Variants in PTPRF observed in about 807,000 individuals in gnomAD.
The protein encoded by PTPRF is protein tyrosine phosphatase receptor type F, also known as receptor-type tyrosine-protein phosphatase F.
A neutral mutation model predicts 201.8 loss-of-function variants in PTPRF; 59 were observed. The observed-to-expected ratio is 0.29, with a 90% CI of 0.24 to 0.36. The LOEUF is 0.36. PTPRF is among the 10% of genes least tolerant of loss of function. The pLI, the probability that PTPRF is intolerant of heterozygous loss-of-function variation, is 1.00. For synonymous variants in PTPRF, 1,088 were observed against 1,089.7 expected, an observed-to-expected ratio of 1.00 and a Z score of 0.03; for missense variants, 2,132 against 2,690.5, an observed-to-expected ratio of 0.79 and a Z score of 4.59.
chr1:43,566,089 G>A (rs113650280), intron 5 of PTPRF, among the ~76,000 whole-genome samples: 2 of 152,194 alleles, frequency 1.3e-5, no homozygotes, highest in East Asian at 1.9e-4. Flanking sequence ...ACGCCGCGGC[G>A]CGTGTGCGGG....
chr1:43,541,286 A>G (rs1206256782), intron 2 of PTPRF, among the ~76,000 whole-genome samples: 2 of 152,234 alleles, frequency 1.3e-5, no homozygotes, highest in African/African-American at 4.8e-5. Context: ...GTGTTTGCGT[A>G]TTTATGATGA....
chr1:43,591,153 C>T lies in PTPRF; in HGVS notation c.1131C>T (p.Gly377=), dbSNP rs371794229. The change falls in exon 9 of 34, where the codon GGC becomes GGT. Residue 377 remains glycine (G), a synonymous_variant. Transcript: ENST00000359947. The part of the protein sequence containing the change: ...DGVATTRYSI[G]GLSPFSEYAF... ...TGGCCACCACCCGCTACAGCATTGG[C>T]GGCCTCAGCCCTTTCTCGGAATATG... is the stretch of plus-strand genomic sequence containing the variant. The T allele has an allele frequency of 2.8e-5, 45 of 1,613,360 alleles. No homozygotes were observed. The highest frequency in any genetic ancestry group is 1.6e-4 in the South Asian group (15 of 91,086).
In PTPRF at chr1:43,592,452, C is replaced by G; in HGVS notation, c.1669-5C>G. ...CTGTCAGTGAGTGCTCCCTGCTCTT[C>G]CCAGCACAAGGTGACCTTCGACCCA... On this transcript the variant is annotated splice_region_variant and splice_polypyrimidine_tract_variant and intron_variant, in intron 10 of 33. Coordinates refer to ENST00000359947, the MANE Select transcript of PTPRF (RefSeq NM_002840.5). 1 of 1,604,344 alleles carries G rather than the reference C, an allele frequency of 6.2e-7. No homozygotes were observed. Among genetic ancestry groups the G allele is most frequent in the South Asian group, 1.1e-5 (1 of 89,412 alleles).
At position 43,553,808 on chromosome 1, in the gene PTPRF, G is replaced by A. The variant is rs1310851255; in HGVS notation, c.246G>A (p.Glu82=). 2 of 1,614,176 alleles carry A rather than the reference G, an allele frequency of 1.2e-6. No homozygotes were observed. Among genetic ancestry groups the A allele is most frequent in the South Asian group, 1.1e-5 (1 of 91,080 alleles). Residue 82 remains glutamate, a synonymous_variant, in exon 5 of 34, where the codon GAG becomes GAA. Coordinates refer to ENST00000359947, the MANE Select transcript of PTPRF (RefSeq NM_002840.5). This position sits in a 1 kb window ranked among gnomAD's most constrained non-coding sequence, Gnocchi z 4.1. The stretch of plus-strand genomic sequence containing the variant: ...TGTCTGTCCTCTGACAGGTCATTGA[G>A]TTTGATGATGGGGCAGGGTCAGTGC... The part of the protein sequence containing the change: ...KVSSQRFEVI[E]FDDGAGSVLR...
chr1:43,532,119 C>T (rs1643617885), intron 1 of PTPRF, among the ~76,000 whole-genome samples: 1 of 152,196 alleles, frequency 6.6e-6, no homozygotes, highest in Admixed American at 6.5e-5. Flanking sequence ...CTGTCTCCCT[C>T]CTTAAGTCTC....
intron 21 of PTPRF, among the ~76,000 whole-genome samples, chr1:43,608,422 A>G (rs576752107): frequency 6.6e-6 from 1 of 152,312 alleles, no homozygotes; most frequent in South Asian, 2.1e-4. Flanking sequence ...TTTGACCAGA[A>G]GTCCCCTGGC....
chr1:43,604,309 A>G (rs1335705825), intron 16 of PTPRF, 120 bp downstream of exon 16: 10 of 1,023,092 alleles, frequency 9.8e-6, no homozygotes, highest in African/African-American at 1.6e-5. Context: ...GTGACCTCCA[A>G]TCTCTCATGA....
chr1:43,583,074 T>C (rs1648155364), intron 7 of PTPRF: 8 of 985,544 alleles, frequency 8.1e-6, no homozygotes, highest in Admixed American at 6.1e-5. Context: ...CAAACTCTCA[T>C]CTCTCAGATC....
upstream of PTPRF, among the ~76,000 whole-genome samples, chr1:43,523,285 C>T (rs2153942228): frequency 6.6e-6 from 1 of 152,206 alleles, no homozygotes; most frequent in East Asian, 1.9e-4. Flanking sequence ...CAAGGGCTTA[C>T]ACAAGAGGTT....
chr1:43,579,437 C>T, intron 7 of PTPRF: 1 of 351,032 alleles, frequency 2.8e-6, no homozygotes, highest in Non-Finnish European at 5.6e-6. Flanking sequence ...GCCAGGTCTT[C>T]CTGGAGCCTT....
In PTPRF at chr1:43,554,026, A is replaced by G. The variant is rs1244904031; in HGVS notation, c.379+85A>G. Reference sequence around the variant, plus strand: ...CCAGCCCTGATCCTGTCCTGGGCCCATGTGCATTTGGCAGAAAGGAGGACT... The same window carrying G: ...CCAGCCCTGATCCTGTCCTGGGCCCGTGTGCATTTGGCAGAAAGGAGGACT... On this transcript the variant is annotated intron_variant, in intron 5 of 33. Coordinates refer to ENST00000359947, the MANE Select transcript of PTPRF (RefSeq NM_002840.5). This position sits in a 1 kb window ranked among gnomAD's most constrained non-coding sequence, Gnocchi z 4.1. The G allele has an allele frequency of 1.3e-6, 2 of 1,541,346 alleles. No individual in the cohort carries two copies. The highest frequency in any genetic ancestry group is 4.6e-5 in the East Asian group (2 of 43,402).
chr1:43,533,670 A>C (rs747012559), intron 1 of PTPRF, among the ~76,000 whole-genome samples: 1 of 152,130 alleles, frequency 6.6e-6, no homozygotes, highest in Non-Finnish European at 1.5e-5. Flanking sequence ...TAAGAATCCA[A>C]GGGAACTGTG....
rs961105823 is a variant in PTPRF at position 43,542,932 on chromosome 1, A to G, written c.-45-2099A>G. Among the ~76,000 whole-genome samples the G allele has an allele frequency of 7.9e-5, 12 of 152,102 alleles. No homozygotes were observed. The highest frequency in any genetic ancestry group is 1.8e-4 in the Non-Finnish European group (12 of 68,004). ...GGAGATATGCTCATGCTGGGGGCCT[A>G]TGTCCCTATGAAGCCTGCCTGGCAG... On this transcript the variant is annotated intron_variant, in intron 2 of 33. Coordinates refer to ENST00000359947, the MANE Select transcript of PTPRF (RefSeq NM_002840.5). This position sits in a 1 kb window ranked among gnomAD's most constrained non-coding sequence, Gnocchi z 5.2.
rs778917013 is a variant in PTPRF at position 43,592,476 on chromosome 1, C to T, written c.1688C>T (p.Pro563Leu). The T allele has an allele frequency of 1.4e-5, 22 of 1,611,492 alleles. No individual in the cohort carries two copies. The Admixed American group carries it at 3.3e-4, about 25-fold the overall frequency. The change falls in exon 11 of 34, where the codon CCA (proline) becomes CTA (leucine). Residue 563 changes from proline (P) to leucine (L), a missense_variant. Around this residue, in one of 6 missense-constraint regions of PTPRF, gnomAD observed 351 missense variants for 401.7 expected, o/e 0.87. Coordinates refer to ENST00000359947, the MANE Select transcript of PTPRF (RefSeq NM_002840.5). ...TCCCAGCACAAGGTGACCTTCGACCCAACCTCCTCCTACACACTAGAGGAC... is the reference window on the plus strand; with the variant it reads ...TCCCAGCACAAGGTGACCTTCGACCTAACCTCCTCCTACACACTAGAGGAC... Reference protein sequence around the residue: ...EDQQHKVTFDPTSSYTLEDLK... With the variant: ...EDQQHKVTFDLTSSYTLEDLK...
At chr1:43,597,506 CTG>C (rs762535065) in intron 11 of PTPRF, among the ~76,000 whole-genome samples, 10 of 152,018 alleles carry the variant, frequency 6.6e-5, no homozygotes, top group Non-Finnish European at 1.2e-4. Flanking sequence ...TGTGTGATAA[CTG>C]TGTGTGTATC....
intron 25 of PTPRF, 72 bp from the exon 26 acceptor site, chr1:43,618,558 C>T (rs1450947021): frequency 1.9e-5 from 29 of 1,537,146 alleles, no homozygotes; most frequent in Non-Finnish European, 2.5e-5. Flanking sequence ...GGGAGTTGAC[C>T]AGCCTCCACC....
chr1:43,534,380 C>T (rs186643489), intron 1 of PTPRF, among the ~76,000 whole-genome samples: 3 of 152,192 alleles, frequency 2.0e-5, no homozygotes, highest in Admixed American at 1.3e-4. Context: ...ACAGGATGCC[C>T]AGTGGGGCAA....
chr1:43,609,359 C>A, intron 21 of PTPRF, 24 bp from the exon 22 acceptor site: 1 of 1,602,092 alleles, frequency 6.2e-7, no homozygotes, highest in African/African-American at 1.3e-5. Context: ...CAGGTTCTCA[C>A]CAGCCTCCCT....
intron 22 of PTPRF, chr1:43,612,882 G>T (rs1008540214): frequency 8.7e-7 from 1 of 1,143,814 alleles, no homozygotes; most frequent in Non-Finnish European, 1.2e-6. Context: ...TTACCCCATC[G>T]CCTCCATCCT....
Sources: allele counts gnomAD v4.1 joint callset (sites outside exome capture counted in the v4.1 genomes callset), GRCh38; gene constraint gnomAD v4.1.1; regional missense constraint gnomAD v4.1.1; non-coding constraint Gnocchi (gnomAD v3.1); transcripts MANE v1.5; gene names NCBI Gene and HGNC (gene_info 2026-07-23, HGNC 2026-07-21).